The following MTMR2 variants were observed in gnomAD, a reference collection of about 807,000 sequenced individuals.
MTMR2 encodes myotubularin related protein 2.
Under a neutral mutation model 86.9 loss-of-function variants are expected in MTMR2, and 55 were observed. The ratio of observed to expected loss-of-function variants is 0.63; its 90% CI spans 0.51 to 0.79. The LOEUF (loss-of-function observed/expected upper bound fraction) is 0.79, where lower values mean the gene tolerates loss of function less well. Among genes scored for constraint, MTMR2 ranks in the 30% least tolerant of loss-of-function variants. The probability of loss-of-function intolerance (pLI) is 0.00; values close to 1 mark genes in which losing one functional copy is unlikely to be tolerated. For missense variants in MTMR2, 659 were observed against 772.3 expected (o/e 0.85, Z 1.74); for synonymous variants, 241 against 266.8 (o/e 0.90, Z 0.94).
intron 1 of MTMR2, among the ~76,000 whole-genome samples, chr11:95,891,547 A>C (rs1865714533): frequency 6.6e-6 from 1 of 152,202 alleles, no homozygotes; most frequent in African/African-American, 2.4e-5. Context: ...AAATCCAGGT[A>C]CTGCAACTTA....
intron 1 of MTMR2, among the ~76,000 whole-genome samples, chr11:95,890,112 T>C (rs1458400205): frequency 6.6e-6 from 1 of 152,190 alleles, no homozygotes; most frequent in Non-Finnish European, 1.5e-5. Context: ...TTCATTTAAA[T>C]GAATGAAAAG....
At chr11:95,868,083 C>T (rs1266913431) in intron 2 of MTMR2, among the ~76,000 whole-genome samples, 5 of 151,394 alleles carry the variant, frequency 3.3e-5, no homozygotes, top group South Asian at 4.2e-4. Context: ...CTGGACAACA[C>T]GGCAAAACCC....
intron 1 of MTMR2, among the ~76,000 whole-genome samples, chr11:95,905,528 G>C (rs959282778): frequency 6.6e-6 from 1 of 152,142 alleles, no homozygotes; most frequent in Non-Finnish European, 1.5e-5. Context: ...ACGGGGCTAA[G>C]AAACAAAAGT....
At chr11:95,918,453 G>C (rs937988142) in intron 1 of MTMR2, among the ~76,000 whole-genome samples, 2 of 152,142 alleles carry the variant, frequency 1.3e-5, no homozygotes, top group Non-Finnish European at 2.9e-5. Flanking sequence ...ATATATACGG[G>C]ACCCAGTCTC....
At chr11:95,896,548 C>T (rs1865887351) in intron 1 of MTMR2, among the ~76,000 whole-genome samples, 1 of 152,150 alleles carries the variant, frequency 6.6e-6, no homozygotes, top group African/African-American at 2.4e-5. Flanking sequence ...TTTTGCTCAA[C>T]ATTCTACTCC....
At position 95,847,920 on chromosome 11, in the gene MTMR2, T is replaced by C. The variant is rs199703270; in HGVS notation, c.994-21A>G. ...TTTGCCTGGAAAAAAGCACACATCA[T>C]GGAAAATCATAAATGAATGCACATC... On this transcript the variant is annotated intron_variant, in intron 9 of 14. Transcript: ENST00000346299. 18,085 of 1,586,574 alleles carry C rather than the reference T, an allele frequency of 0.011. 111 individuals carry two copies. Among genetic ancestry groups the C allele is most frequent in the Non-Finnish European group, 0.014 (16,307 of 1,158,134 alleles).
chr11:95,848,909 GT>G (rs1328133580), intron 9 of MTMR2, among the ~76,000 whole-genome samples: 2 of 152,102 alleles, frequency 1.3e-5, no homozygotes, highest in African/African-American at 4.8e-5. Context: ...ATTCAAATTT[GT>G]TGCAACATTC....
chr11:95,923,607 T>G, intron 1 of MTMR2: 1 of 1,267,982 alleles, frequency 7.9e-7, no homozygotes, highest in East Asian at 3.0e-5. Context: ...GAGAAAGTAA[T>G]TAACTGGGAC....
chr11:95,903,721 A>G (rs1565382776), intron 1 of MTMR2, among the ~76,000 whole-genome samples: 1 of 152,122 alleles, frequency 6.6e-6, no homozygotes, highest in Non-Finnish European at 1.5e-5. Flanking sequence ...CCAAACACAG[A>G]TTTTCCACAA....
rs368940444 is a variant in MTMR2 at position 95,917,623 on chromosome 11, A to G, written c.80+6252T>C. On this transcript the variant is annotated intron_variant, in intron 1 of 14. Coordinates refer to ENST00000346299, the MANE Select transcript of MTMR2 (RefSeq NM_016156.6). The stretch of plus-strand genomic sequence containing the variant: ...ACTGGAAGCTTTACGGATAACATAA[A>G]CAGCCCATCAAAACATATTTCAGGC... 4.6e-5 allele frequency among the ~76,000 whole-genome samples: 7 copies of G among 152,320 alleles called. No individual in the cohort carries two copies. In the East Asian group the frequency reaches 1.2e-3, roughly 25 times the overall value.
chr11:95,845,513 A>T (rs1863748982), intron 10 of MTMR2, among the ~76,000 whole-genome samples: 1 of 152,194 alleles, frequency 6.6e-6, no homozygotes, highest in South Asian at 2.1e-4. Flanking sequence ...AATAATTGAT[A>T]TAGCAATTGA....
At chr11:95,916,543 A>G (rs1225340871) in intron 1 of MTMR2, among the ~76,000 whole-genome samples, 1 of 152,078 alleles carries the variant, frequency 6.6e-6, no homozygotes, top group African/African-American at 2.4e-5. Flanking sequence ...ACCATATTAG[A>G]TCTGTATTGA....
rs761119373 is a variant in MTMR2 at position 95,862,241 on chromosome 11, T to C, written c.357+31A>G. ...AAACTAGCTACAAACAACACACTCA[T>C]GTACATACAAAAATCTAATCTGACT... is the stretch of plus-strand genomic sequence containing the variant. On this transcript the variant is annotated intron_variant, in intron 4 of 14. Transcript: ENST00000346299. The C allele has an allele frequency of 1.3e-5, 21 of 1,566,684 alleles. No individual in the cohort carries two copies. In the South Asian group the frequency reaches 2.0e-4, roughly 15 times the overall value.
At chr11:95,872,331 C>T (rs1224155286) in intron 2 of MTMR2, among the ~76,000 whole-genome samples, 1 of 152,130 alleles carries the variant, frequency 6.6e-6, no homozygotes, top group African/African-American at 2.4e-5. Flanking sequence ...TGAAGAGGTC[C>T]TTCACGTCCC....
intron 1 of MTMR2, among the ~76,000 whole-genome samples, chr11:95,919,371 C>T (rs1440074376): frequency 2.0e-5 from 3 of 151,876 alleles, no homozygotes; most frequent in Admixed American, 1.3e-4. Flanking sequence ...GTGTACCCCC[C>T]CTTTGATTTT....
intron 1 of MTMR2, among the ~76,000 whole-genome samples, chr11:95,891,644 A>G (rs1367111258): frequency 6.6e-6 from 1 of 152,206 alleles, no homozygotes; most frequent in African/African-American, 2.4e-5. Flanking sequence ...CTTCAGACAC[A>G]CATAAACATA....
chr11:95,920,725 G>A (rs896289264), intron 1 of MTMR2, among the ~76,000 whole-genome samples: 40 of 152,064 alleles, frequency 2.6e-4, no homozygotes, highest in African/African-American at 9.7e-4. Flanking sequence ...CAACTTCAAT[G>A]GAGTATGTCA....
rs187732693 is a variant in MTMR2 at position 95,890,084 on chromosome 11, C to A, written c.81-1823G>T. Reference sequence around the variant, plus strand: ...TTATACAATGTGAAAATCACCTCCCCAAAAAAGAAATTGTCACTTCATTTA... The same window carrying A: ...TTATACAATGTGAAAATCACCTCCCAAAAAAAGAAATTGTCACTTCATTTA... On this transcript the variant is annotated intron_variant, in intron 1 of 14. Transcript: ENST00000346299. Among the ~76,000 whole-genome samples the A allele has an allele frequency of 4.1e-3, 618 of 152,088 alleles. 5 individuals carry two copies. The highest frequency in any genetic ancestry group is 0.014 in the African/African-American group (598 of 41,498).
In MTMR2 at chr11:95,834,834, G is replaced by T. The variant is rs185802671; in HGVS notation, c.*456C>A. ...AAAAGAAAAACCTAGAATGGAGAAA[G>T]GGATATCAAATGATTTTGATCTGTC... On this transcript the variant is annotated 3_prime_UTR_variant, in exon 15 of 15. Coordinates refer to ENST00000346299, the MANE Select transcript of MTMR2 (RefSeq NM_016156.6). 5.8e-6 allele frequency: 1 copy of T among 172,152 alleles called. No individual in the cohort carries two copies. Among genetic ancestry groups the T allele is most frequent in the Admixed American group, 5.5e-5 (1 of 18,168 alleles). 10.7% of individuals were successfully genotyped at this position (172,152 alleles called of 1,614,324 possible).
Sources: allele counts gnomAD v4.1 joint callset (sites outside exome capture counted in the v4.1 genomes callset), GRCh38; gene constraint gnomAD v4.1.1; transcripts MANE v1.5; gene names NCBI Gene and HGNC (gene_info 2026-07-23, HGNC 2026-07-21).